SLC25A36: variants seen among roughly 807,000 people sequenced by gnomAD.
SLC25A36 encodes the protein epididymis secretory sperm binding protein.
In SLC25A36, 24 loss-of-function variants were observed where a neutral mutation model predicts 35.3. That is an observed-to-expected ratio of 0.68 (90% CI 0.49 to 0.96). The LOEUF is 0.96. Among genes scored for constraint, SLC25A36 ranks in the 40% least tolerant of loss-of-function variants. The pLI is 0.00. For synonymous variants in SLC25A36, 141 were observed against 132.2 expected (o/e 1.07, Z -0.46); for missense variants, 294 against 381.1 (o/e 0.77, Z 1.90).
chr3:140,957,288 A>G (rs1292198991), intron 2 of SLC25A36, among the ~76,000 whole-genome samples: 1 of 152,242 alleles, frequency 6.6e-6, no homozygotes, highest in African/African-American at 2.4e-5. Flanking sequence ...CTGCCTTATC[A>G]GCTCAGTGTT....
In SLC25A36 at chr3:140,941,894, G is replaced by C. The variant is rs1229152341; in HGVS notation, c.-161G>C. On this transcript the variant is annotated 5_prime_UTR_variant, in exon 1 of 7. Coordinates refer to ENST00000324194, the MANE Select transcript of SLC25A36 (RefSeq NM_001104647.3). ...CGGTGGCGCGGCTGGAGTGCCGCGG[G>C]GAGGGCTGTGCCGGTTGCTTTCTGC... The C allele has an allele frequency of 1.5e-5, 8 of 518,266 alleles. No individual in the cohort carries two copies. The highest frequency in any genetic ancestry group is 6.9e-6 in the Non-Finnish European group (2 of 290,718). The allele number at this position is 518,266 out of a possible 1,614,324, so 32.1% of individuals were successfully genotyped here.
chr3:140,965,389 T>A (rs1934734716), intron 4 of SLC25A36: 1 of 151,682 alleles, frequency 6.6e-6, no homozygotes, highest in Non-Finnish European at 1.5e-5. Context: ...AGGGAAAAAA[T>A]GCTAACCTTG....
intron 6 of SLC25A36, among the ~76,000 whole-genome samples, chr3:140,975,751 G>C (rs1935028372): frequency 6.6e-6 from 1 of 152,140 alleles, no homozygotes; most frequent in South Asian, 2.1e-4. Flanking sequence ...GGGTTTTATA[G>C]CTGGCAGCTA....
chr3:140,958,807 T>TA (rs147613817), intron 2 of SLC25A36, among the ~76,000 whole-genome samples: 1,963 of 152,286 alleles, frequency 0.013, 53 homozygotes, highest in African/African-American at 0.045. Flanking sequence ...AAATCGAAGA[T>TA]AAGAGTAGCA....
intron 1 of SLC25A36, among the ~76,000 whole-genome samples, chr3:140,952,207 G>A (rs963514417): frequency 6.6e-5 from 10 of 151,934 alleles, no homozygotes; most frequent in African/African-American, 1.7e-4. Flanking sequence ...CAGTAGAGAC[G>A]GGGTTTTATC....
intron 1 of SLC25A36, among the ~76,000 whole-genome samples, chr3:140,955,282 A>C (rs578135646): frequency 1.3e-5 from 2 of 151,940 alleles, no homozygotes; most frequent in East Asian, 3.9e-4. Context: ...TGGAGGTAGA[A>C]TTGTTTAGTG....
chr3:140,970,481 T>C (rs1934873141), intron 4 of SLC25A36: 1 of 152,494 alleles, frequency 6.6e-6, no homozygotes, highest in Non-Finnish European at 1.5e-5. Context: ...ATTTGACATT[T>C]GTGTAGAATT....
chr3:140,964,151 A>G (rs995464638), intron 4 of SLC25A36: 1 of 151,998 alleles, frequency 6.6e-6, no homozygotes, highest in Non-Finnish European at 1.5e-5. Context: ...TTAAACTGTT[A>G]AACACTTTTG....
At chr3:140,962,415 G>A (rs780240330) in intron 3 of SLC25A36, among the ~76,000 whole-genome samples, 1 of 152,138 alleles carries the variant, frequency 6.6e-6, no homozygotes, top group Non-Finnish European at 1.5e-5. Context: ...TAAAATCGTA[G>A]TCAGTAAGTT....
chr3:140,953,645 T>C (rs1002963151), intron 1 of SLC25A36, among the ~76,000 whole-genome samples: 2 of 152,160 alleles, frequency 1.3e-5, no homozygotes, highest in Non-Finnish European at 2.9e-5. Context: ...ATGTATAAAG[T>C]CATTTAAACA....
intron 1 of SLC25A36, among the ~76,000 whole-genome samples, chr3:140,946,918 G>C (rs987156978): frequency 2.0e-5 from 3 of 152,154 alleles, no homozygotes; most frequent in African/African-American, 7.2e-5. Context: ...GGTGCCATGA[G>C]CCTAGTTGAG....
intron 4 of SLC25A36, chr3:140,968,454 CACTT>C (rs1308128310): frequency 2.0e-6 from 2 of 983,484 alleles, no homozygotes; most frequent in Non-Finnish European, 2.4e-6. Flanking sequence ...AACATTCTCT[CACTT>C]ACCTAAATTT....
At chr3:140,944,730 A>G (rs1934117434) in intron 1 of SLC25A36, among the ~76,000 whole-genome samples, 1 of 152,166 alleles carries the variant, frequency 6.6e-6, no homozygotes, top group Non-Finnish European at 1.5e-5. Context: ...AGATAATTTA[A>G]TATATGTAGT....
chr3:140,952,536 T>C (rs1033934657), intron 1 of SLC25A36, among the ~76,000 whole-genome samples: 3 of 152,226 alleles, frequency 2.0e-5, no homozygotes, highest in African/African-American at 7.2e-5. Flanking sequence ...AAAATATTCA[T>C]AAGACTTCTA....
chr3:140,945,519 T>C (rs904952763), intron 1 of SLC25A36, among the ~76,000 whole-genome samples: 2 of 152,232 alleles, frequency 1.3e-5, no homozygotes, highest in South Asian at 4.1e-4. Flanking sequence ...TGGATTAGTG[T>C]AGCACAACAT....
At chr3:140,967,650 G>T (rs1309106115) in intron 4 of SLC25A36, among the ~76,000 whole-genome samples, 1 of 151,906 alleles carries the variant, frequency 6.6e-6, no homozygotes, top group Non-Finnish European at 1.5e-5. Context: ...AACATTTTCA[G>T]CAAGTTTAAG....
chr3:140,973,857 A>G lies in SLC25A36; in HGVS notation c.594A>G (p.Glu198=). The stretch of plus-strand genomic sequence containing the variant: ...CTGTTATCCATTTTGTTATTTATGA[A>G]AGTATAAAACAAAAACTACTGGAAT... ...SETVIHFVIY[E]SIKQKLLEYK... is the part of the protein sequence containing the mutation. The change falls in exon 6 of 7, where the codon GAA becomes GAG. Residue 198 remains glutamate (E), a synonymous_variant. Transcript: ENST00000324194. 1 of 1,613,518 alleles carries G rather than the reference A, an allele frequency of 6.2e-7. No individual in the cohort carries two copies. Among genetic ancestry groups the G allele is most frequent in the Non-Finnish European group, 8.5e-7 (1 of 1,179,710 alleles).
At chr3:140,974,544 G>A (rs1355309295) in intron 6 of SLC25A36, among the ~76,000 whole-genome samples, 1 of 151,990 alleles carries the variant, frequency 6.6e-6, no homozygotes, top group African/African-American at 2.4e-5. Context: ...TTTCATGTTG[G>A]CAAATAAGTA....
At position 140,980,366 on chromosome 3, in the gene SLC25A36, CTATTT is replaced by C. The variant is rs1468315056; in HGVS notation, c.*3919_*3923del. On this transcript the variant is annotated 3_prime_UTR_variant, in exon 7 of 7. Transcript: ENST00000324194. ...AGTGCCTACCCTCTTTACATTTTGT[CTATTT>C]TATTTAAGTTTTTCTGTATTGTAGT... Among the ~76,000 whole-genome samples, 2 of 152,104 alleles carry C rather than the reference CTATTT, an allele frequency of 1.3e-5. No homozygotes were observed. The highest frequency in any genetic ancestry group is 2.9e-5 in the Non-Finnish European group (2 of 68,014).
Sources: gnomAD v4.1 joint callset for allele counts (sites outside exome capture counted in the v4.1 genomes callset) on GRCh38, gnomAD v4.1.1 for gene constraint, MANE v1.5 for transcripts, NCBI Gene and HGNC (gene_info 2026-07-23, HGNC 2026-07-21) for gene names.